CHRM3: variants seen among roughly 807,000 people sequenced by gnomAD.
The protein encoded by CHRM3 is muscarinic acetylcholine receptor M3.
In CHRM3, 11 loss-of-function variants were observed where a neutral mutation model predicts 41.8. That is an observed-to-expected ratio of 0.26 (90% CI 0.17 to 0.44). The LOEUF (loss-of-function observed/expected upper bound fraction) is 0.44, where lower values mean the gene tolerates loss of function less well. Among genes scored for constraint, CHRM3 ranks in the 20% least tolerant of loss-of-function variants. The pLI, the probability that CHRM3 is intolerant of heterozygous loss-of-function variation, is 1.00. For synonymous variants in CHRM3, 297 were observed against 301.4 expected, an observed-to-expected ratio of 0.99 and a Z score of 0.15; for missense variants, 571 against 745.4, an observed-to-expected ratio of 0.77 and a Z score of 2.72.
chr1:239,874,285 GTATATATATATATA>G lies in CHRM3; in HGVS notation c.-19-33119_-19-33106del, dbSNP rs758413973. 5.4e-4 allele frequency among the ~76,000 whole-genome samples: 45 copies of G among 83,240 alleles called. 3 individuals are homozygous for G. Among genetic ancestry groups the G allele is most frequent in the African/African-American group, 1.6e-3 (26 of 16,436 alleles). The allele number at this position is 83,240 out of a possible 152,430, so 54.6% of individuals were successfully genotyped here. Reference sequence around the variant, plus strand: ...AGACCTATATATATCTATATACACAGTATATATATATATATATATATATATATATATATATATAT... The same window carrying G: ...AGACCTATATATATCTATATACACAGTATATATATATATATATATATATAT... On this transcript the variant is annotated intron_variant, in intron 6 of 6. Coordinates refer to ENST00000676153, the MANE Select transcript of CHRM3 (RefSeq NM_001375978.1).
intron 3 of CHRM3, among the ~76,000 whole-genome samples, chr1:239,589,156 G>A (rs940396930): frequency 1.3e-5 from 2 of 151,840 alleles, no homozygotes; most frequent in African/African-American, 4.8e-5. Context: ...CTGGTCTCCA[G>A]CTCCTGACCT....
intron 1 of CHRM3, among the ~76,000 whole-genome samples, chr1:239,397,067 A>G (rs1231628018): frequency 1.3e-5 from 2 of 152,188 alleles, no homozygotes; most frequent in African/African-American, 4.8e-5. Context: ...CTGTAACAGT[A>G]AGACACAAAT....
At chr1:239,576,191 C>A (rs1185327734) in intron 3 of CHRM3, among the ~76,000 whole-genome samples, 1 of 152,024 alleles carries the variant, frequency 6.6e-6, no homozygotes, top group Non-Finnish European at 1.5e-5. Flanking sequence ...TATATGGATA[C>A]CACATTTTGT....
chr1:239,666,272 GT>G (rs1673794664), intron 4 of CHRM3, among the ~76,000 whole-genome samples: 3 of 151,258 alleles, frequency 2.0e-5, no homozygotes, highest in Admixed American at 6.6e-5. Context: ...TTGGCTCACT[GT>G]AACCTCCATC....
chr1:239,910,609 A>T lies in CHRM3; in HGVS notation c.*1385A>T, dbSNP rs958847898. The T allele has an allele frequency of 1.0e-4, 17 of 166,316 alleles. No homozygotes were observed. The highest frequency in any genetic ancestry group is 3.6e-4 in the African/African-American group (15 of 41,238). The allele number at this position is 166,316 out of a possible 1,614,324, so 10.3% of individuals were successfully genotyped here. A position where few individuals can be genotyped will look rare whatever the true frequency, so the allele number is the denominator to read the frequency against. ...GAAAAAAAAAAAATTGTTTTTTTGC[A>T]TTCTCCCTTGAATTGACCAAAATGT... On this transcript the variant is annotated 3_prime_UTR_variant, in exon 7 of 7. Coordinates refer to ENST00000676153, the MANE Select transcript of CHRM3 (RefSeq NM_001375978.1).
At chr1:239,622,437 T>C (rs969501089) in intron 3 of CHRM3, among the ~76,000 whole-genome samples, 3 of 152,200 alleles carry the variant, frequency 2.0e-5, no homozygotes, top group Non-Finnish European at 4.4e-5. Context: ...CCATTCTAGA[T>C]GCTATTAAAT....
Position 239,915,162 on chromosome 1 carries a change from A to C in CHRM3, c.*5938A>C, listed in dbSNP as rs1680577388. The C allele has an allele frequency of 6.0e-6, 1 of 167,106 alleles. No homozygotes were observed. Among genetic ancestry groups the C allele is most frequent in the Admixed American group, 6.5e-5 (1 of 15,280 alleles). The allele number at this position is 167,106 out of a possible 1,614,324, so 10.4% of individuals were successfully genotyped here. On this transcript the variant is annotated 3_prime_UTR_variant, in exon 7 of 7. Transcript: ENST00000676153. The stretch of plus-strand genomic sequence containing the variant: ...GGTGGATAGAGAAACCGCAGTCCAA[A>C]AACAGATGGGTGTATATTTGCTTTG...
chr1:239,395,470 C>G (rs1377913275), intron 1 of CHRM3, among the ~76,000 whole-genome samples: 3 of 152,100 alleles, frequency 2.0e-5, no homozygotes, highest in Admixed American at 2.0e-4. Flanking sequence ...CTTCCCTCAC[C>G]TCCTACATTT....
chr1:239,742,917 G>A (rs557966745), intron 5 of CHRM3, among the ~76,000 whole-genome samples: 10 of 152,130 alleles, frequency 6.6e-5, no homozygotes, highest in East Asian at 1.9e-4. Context: ...GACATCTGTC[G>A]CCATCTAATC....
At position 239,674,102 on chromosome 1, in the gene CHRM3, T is replaced by TTCAGA. The variant is rs140374262; in HGVS notation, c.-249-4082_-249-4078dup. On this transcript the variant is annotated intron_variant, in intron 4 of 6. Transcript: ENST00000676153. Reference sequence around the variant, plus strand: ...CTGAAACACTTCTGATCCCAAGCATTTCAGATAAAGAACACTCAACCTGTA... The same window carrying TTCAGA: ...CTGAAACACTTCTGATCCCAAGCATTTCAGATCAGATAAAGAACACTCAACCTGTA... Among the ~76,000 whole-genome samples the TTCAGA allele has an allele frequency of 2.0e-5, 3 of 152,240 alleles. No homozygotes were observed. The East Asian group carries it at 5.8e-4, about 29-fold the overall frequency.
chr1:239,577,569 G>A (rs537415761), intron 3 of CHRM3, among the ~76,000 whole-genome samples: 1 of 152,308 alleles, frequency 6.6e-6, no homozygotes, highest in East Asian at 1.9e-4. Flanking sequence ...CGCAGGAGCA[G>A]AATGATTGCT....
At chr1:239,604,698 T>A (rs1666027490) in intron 3 of CHRM3, among the ~76,000 whole-genome samples, 1 of 152,228 alleles carries the variant, frequency 6.6e-6, no homozygotes, top group African/African-American at 2.4e-5. Context: ...ACAGATGATA[T>A]CTGATGCATT....
chr1:239,805,692 T>C (rs567345485), intron 5 of CHRM3, among the ~76,000 whole-genome samples: 2 of 152,218 alleles, frequency 1.3e-5, no homozygotes, highest in South Asian at 4.1e-4. Context: ...AGGTATATTC[T>C]CCTTAGTTAC....
chr1:239,846,857 C>T (rs1197681191), intron 6 of CHRM3, among the ~76,000 whole-genome samples: 1 of 152,070 alleles, frequency 6.6e-6, no homozygotes, highest in Non-Finnish European at 1.5e-5. Context: ...AAAAGAAGTC[C>T]AGTTTTGATA....
At chr1:239,688,724 T>C (rs61834820) in intron 5 of CHRM3, among the ~76,000 whole-genome samples, 1 of 134,536 alleles carries the variant, frequency 7.4e-6, no homozygotes, top group African/African-American at 2.8e-5. Flanking sequence ...TTATTCAATA[T>C]AATATATAAT....
At chr1:239,413,516 G>A (rs1195526708) in intron 1 of CHRM3, among the ~76,000 whole-genome samples, 1 of 152,124 alleles carries the variant, frequency 6.6e-6, no homozygotes, top group Non-Finnish European at 1.5e-5. Context: ...TTGAACTCCT[G>A]ACATCAAGTG....
chr1:239,408,592 C>T (rs1371008145), intron 1 of CHRM3, among the ~76,000 whole-genome samples: 3 of 151,066 alleles, frequency 2.0e-5, no homozygotes, highest in African/African-American at 7.3e-5. Flanking sequence ...CTTATAGCAG[C>T]GTGAGAACGG....
chr1:239,682,270 A>C (rs17649827), intron 5 of CHRM3, among the ~76,000 whole-genome samples: 8,094 of 152,280 alleles, frequency 0.053, 330 homozygotes, highest in South Asian at 0.17. Context: ...ATGAGGTCAC[A>C]GATTCCTTTC....
At chr1:239,477,743 G>A (rs1666563758) in intron 1 of CHRM3, among the ~76,000 whole-genome samples, 1 of 152,148 alleles carries the variant, frequency 6.6e-6, no homozygotes, top group Non-Finnish European at 1.5e-5. Context: ...CATATCTGAG[G>A]AAGCTGAGCA....
Sources: gnomAD v4.1 joint callset for allele counts (sites outside exome capture counted in the v4.1 genomes callset) on GRCh38, gnomAD v4.1.1 for gene constraint, MANE v1.5 for transcripts, NCBI Gene and HGNC (gene_info 2026-07-23, HGNC 2026-07-21) for gene names.